Variants in HHIPL1 observed in about 807,000 individuals in gnomAD.
The protein encoded by HHIPL1 is HHIP-like protein 1.
A neutral mutation model predicts 61.8 loss-of-function variants in HHIPL1; 43 were observed. The observed-to-expected ratio is 0.70, with a 90% confidence interval of 0.55 to 0.90. HHIPL1 has a LOEUF of 0.90. Among genes scored for constraint, HHIPL1 ranks in the 40% least tolerant of loss-of-function variants. The pLI, the probability that HHIPL1 is intolerant of heterozygous loss-of-function variation, is 0.00. For synonymous variants in HHIPL1, 482 were observed against 515.8 expected (o/e 0.93, Z 0.89); for missense variants, 1,056 against 1,157.7 (o/e 0.91, Z 1.28).
intron 6 of HHIPL1, 37 bp downstream of exon 6, chr14:99,663,058 G>A (rs761820698): frequency 1.6e-5 from 25 of 1,560,098 alleles, no homozygotes; most frequent in East Asian, 1.6e-4. Flanking sequence ...CTGGTTGCTC[G>A]TGCCTGGGAC....
intron 3 of HHIPL1, 30 bp from the exon 4 acceptor site, chr14:99,659,398 G>A (rs781016976): frequency 2.0e-5 from 28 of 1,395,206 alleles, no homozygotes; most frequent in East Asian, 3.0e-5. Flanking sequence ...GGGCGACCCC[G>A]AGCCGCGCCC....
chr14:99,637,025 A>AAGAC, the HHIPL1 span, among the ~76,000 whole-genome samples: 17 of 128,512 alleles, frequency 1.3e-4, no homozygotes, highest in South Asian at 5.4e-4. Flanking sequence ...GAAAGAAAGA[A>AAGAC]AGAAAGAAAG....
chr14:99,666,458 G>T (rs1280082739), intron 6 of HHIPL1, among the ~76,000 whole-genome samples: 1 of 152,198 alleles, frequency 6.6e-6, no homozygotes, highest in Non-Finnish European at 1.5e-5. Flanking sequence ...CAGTCTGCCT[G>T]GTCCAGCCTT....
the HHIPL1 span, among the ~76,000 whole-genome samples, chr14:99,604,858 C>G: frequency 1.3e-5 from 2 of 152,192 alleles, no homozygotes; most frequent in Admixed American, 6.5e-5. Flanking sequence ...TCGCTCTTCC[C>G]CGCAGCAGGG....
intron 3 of HHIPL1, among the ~76,000 whole-genome samples, chr14:99,657,678 A>G (rs1290866211): frequency 6.6e-6 from 1 of 152,006 alleles, no homozygotes; most frequent in East Asian, 1.9e-4. Flanking sequence ...ATCTCATTCC[A>G]TTACACACAC....
At chr14:99,672,210 C>T (rs529151937) in intron 7 of HHIPL1, 107 bp from the exon 8 acceptor site, 9 of 806,276 alleles carry the variant, frequency 1.1e-5, no homozygotes, top group Admixed American at 2.1e-5. Context: ...GGTGAATGGC[C>T]GCCTGTTACT....
intron 1 of HHIPL1, among the ~76,000 whole-genome samples, chr14:99,649,345 AC>A (rs1469189726): frequency 1.3e-5 from 2 of 152,154 alleles, no homozygotes; most frequent in African/African-American, 4.8e-5. Flanking sequence ...GGTGCCTGGT[AC>A]AATCTCTGCT....
the HHIPL1 span, among the ~76,000 whole-genome samples, chr14:99,623,312 G>A: frequency 6.6e-6 from 1 of 152,216 alleles, no homozygotes; most frequent in Non-Finnish European, 1.5e-5. Flanking sequence ...TAAGGTATGA[G>A]TCCACGGAAA....
At chr14:99,651,513 C>A (rs1424921446) in intron 1 of HHIPL1, among the ~76,000 whole-genome samples, 1 of 152,176 alleles carries the variant, frequency 6.6e-6, no homozygotes, top group African/African-American at 2.4e-5. Context: ...AACTCACTCG[C>A]TCTACAGTAC....
chr14:99,610,920 G>A, the HHIPL1 span, among the ~76,000 whole-genome samples: 9 of 152,136 alleles, frequency 5.9e-5, no homozygotes, highest in African/African-American at 2.2e-4. Context: ...CAACCTCAGC[G>A]TGGTTGTGAG....
At chr14:99,615,092 A>G in the HHIPL1 span, among the ~76,000 whole-genome samples, 1 of 152,154 alleles carries the variant, frequency 6.6e-6, no homozygotes. Context: ...AAGTCCAAAA[A>G]CTAGAAGGTC....
rs756238415 is a variant in HHIPL1, at chr14:99,645,417, C to G, written c.210C>G (p.Ala70=). Residue 70 remains alanine (A), a synonymous_variant, in exon 1 of 9, where the codon GCC becomes GCG. Coordinates refer to ENST00000330710, the MANE Select transcript of HHIPL1 (RefSeq NM_001127258.3). ...FWALASRVDA[A]EWAACAGYAR... is the part of the protein sequence containing the mutation. ...CCCTGGCGAGCCGCGTGGACGCCGC[C>G]GAGTGGGCCGCGTGCGCCGGCTACG... 1.2e-5 allele frequency: 17 copies of G among 1,382,118 alleles called. No individual in the cohort carries two copies. The highest frequency in any genetic ancestry group is 1.2e-4 in the South Asian group (7 of 60,354). The allele number at this position is 1,382,118 out of a possible 1,614,324, so 85.6% of individuals were successfully genotyped here.
the HHIPL1 span, among the ~76,000 whole-genome samples, chr14:99,633,697 A>G: frequency 1.8e-4 from 28 of 152,082 alleles, no homozygotes; most frequent in African/African-American, 6.5e-4. Context: ...GGGACTCAGG[A>G]CCCCGCCCTC....
chr14:99,653,115 C>T (rs1308860121), intron 2 of HHIPL1, among the ~76,000 whole-genome samples: 1 of 152,194 alleles, frequency 6.6e-6, no homozygotes, highest in Non-Finnish European at 1.5e-5. Flanking sequence ...ACTCTTATTT[C>T]AGGCACTTTA....
Position 99,679,894 on chromosome 14 carries a change from C to T in HHIPL1, c.*4268C>T, listed in dbSNP as rs999116103. ...TAGCAGAAGAAAGAGCTCCTTCAGC[C>T]TAACATGTAGAACTCAAGTCTTCTT... On this transcript the variant is annotated 3_prime_UTR_variant, in exon 9 of 9. Coordinates refer to ENST00000330710, the MANE Select transcript of HHIPL1 (RefSeq NM_001127258.3). 1.3e-5 allele frequency: 2 copies of T among 152,270 alleles called. No individual in the cohort carries two copies. Among genetic ancestry groups the T allele is most frequent in the Admixed American group, 6.5e-5 (1 of 15,288 alleles). The allele number at this position is 152,270 out of a possible 1,614,324, so 9.4% of individuals were successfully genotyped here.
At chr14:99,653,511 T>G (rs1477835914) in intron 2 of HHIPL1, among the ~76,000 whole-genome samples, 1 of 152,096 alleles carries the variant, frequency 6.6e-6, no homozygotes, top group Admixed American at 6.6e-5. Context: ...TTTTTGTATT[T>G]CAGTGGAGAC....
chr14:99,672,752 G>A (rs1385383159), intron 8 of HHIPL1, among the ~76,000 whole-genome samples: 1 of 152,194 alleles, frequency 6.6e-6, no homozygotes, highest in East Asian at 1.9e-4. Flanking sequence ...TATGGGCTGG[G>A]CCTTCATAGA....
Position 99,662,756 on chromosome 14 carries a change from T to C in HHIPL1, c.1503-120T>C, listed in dbSNP as rs2056172103. ...GATATGTAGATGGATGGTGGAAGGA[T>C]GGAGGGAAGAAGGGAGGGAGGAATG... On this transcript the variant is annotated intron_variant, in intron 5 of 8. Transcript: ENST00000330710. 9.9e-6 allele frequency: 9 copies of C among 905,354 alleles called. No homozygotes were observed. In the South Asian group the frequency reaches 1.5e-4, roughly 15 times the overall value. 56.1% of individuals were successfully genotyped at this position (905,354 alleles called of 1,614,324 possible).
chr14:99,638,228 A>G, the HHIPL1 span, among the ~76,000 whole-genome samples: 1 of 152,148 alleles, frequency 6.6e-6, no homozygotes, highest in African/African-American at 2.4e-5. Flanking sequence ...CACTCACGAG[A>G]TGGGTCCTGG....
Sources: gnomAD v4.1 joint callset for allele counts (sites outside exome capture counted in the v4.1 genomes callset) on GRCh38, gnomAD v4.1.1 for gene constraint, MANE v1.5 for transcripts, NCBI Gene and HGNC (gene_info 2026-07-23, HGNC 2026-07-21) for gene names.